ADGRV1: variants seen among roughly 807,000 people sequenced by gnomAD.
The protein encoded by ADGRV1 is G-protein coupled receptor 98.
A neutral mutation model predicts 596.2 loss-of-function variants in ADGRV1; 359 were observed. That is an observed-to-expected ratio of 0.60 (90% CI 0.55 to 0.66). The LOEUF is 0.66. Among genes scored for constraint, ADGRV1 ranks in the 30% least tolerant of loss-of-function variants. ADGRV1 has a pLI of 0.00. For synonymous variants in ADGRV1, 2,681 were observed against 2,679.2 expected (o/e 1.00, Z -0.02); for missense variants, 7,274 against 7,575.6 (o/e 0.96, Z 1.48).
intron 85 of ADGRV1, among the ~76,000 whole-genome samples, chr5:91,036,503 A>C (rs1162732605): frequency 1.4e-5 from 2 of 148,016 alleles, no homozygotes; most frequent in Admixed American, 6.7e-5. Context: ...CGGAGCTTGC[A>C]GTGAGCTGAG....
chr5:90,728,593 A>T, intron 48 of ADGRV1, 76 bp from the exon 49 acceptor site: 1 of 1,181,558 alleles, frequency 8.5e-7, no homozygotes, highest in Non-Finnish European at 1.2e-6. Flanking sequence ...GAGAGTAAAC[A>T]TATGGTATTG....
intron 64 of ADGRV1, among the ~76,000 whole-genome samples, chr5:90,780,457 A>T (rs745946227): frequency 1.3e-5 from 2 of 152,148 alleles, no homozygotes; most frequent in Non-Finnish European, 2.9e-5. Context: ...AATTGAAGGA[A>T]GGACTAAAAT....
chr5:90,660,058 AACAG>A (rs936579596), intron 21 of ADGRV1, among the ~76,000 whole-genome samples: 8 of 152,168 alleles, frequency 5.3e-5, no homozygotes, highest in East Asian at 1.9e-4. Flanking sequence ...AAGAAAAAGA[AACAG>A]ACAAATTGAT....
At chr5:91,057,211 A>C (rs1226730466) in intron 85 of ADGRV1, among the ~76,000 whole-genome samples, 1 of 152,228 alleles carries the variant, frequency 6.6e-6, no homozygotes, top group East Asian at 1.9e-4. Context: ...TGGATATCAC[A>C]CTTTTGAATT....
intron 1 of ADGRV1, among the ~76,000 whole-genome samples, chr5:90,607,372 C>T (rs1762231095): frequency 6.6e-6 from 1 of 152,198 alleles, no homozygotes; most frequent in South Asian, 2.1e-4. Flanking sequence ...CCCTTCCATC[C>T]TGTGCTGCTG....
intron 83 of ADGRV1, among the ~76,000 whole-genome samples, chr5:90,910,340 C>T (rs1319666683): frequency 2.0e-5 from 3 of 152,148 alleles, no homozygotes; most frequent in Non-Finnish European, 4.4e-5. Flanking sequence ...TCCAAGAAGA[C>T]TATTAGAAAA....
Position 90,789,760 on chromosome 5 carries a change from A to G in ADGRV1, c.13952A>G (p.Lys4651Arg), listed in dbSNP as rs760749699. ...VVQFAPETLS[K>R]KTYSEPLALE... ...CAGTTTGCTCCTGAAACTTTGTCTA[A>G]GAAGACTTATTCAGAGCCTCTGGCT... Residue 4651 changes from lysine (K) to arginine (R), a missense_variant, in exon 69 of 90, where the codon AAG becomes AGG. Coordinates refer to ENST00000405460, the MANE Select transcript of ADGRV1 (RefSeq NM_032119.4). The G allele has an allele frequency of 7.7e-6, 12 of 1,559,412 alleles. No homozygotes were observed. Among genetic ancestry groups the G allele is most frequent in the Non-Finnish European group, 1.7e-6 (2 of 1,149,720 alleles).
intron 87 of ADGRV1, among the ~76,000 whole-genome samples, chr5:91,130,979 G>A (rs1459813720): frequency 2.0e-5 from 3 of 152,214 alleles, no homozygotes; most frequent in Non-Finnish European, 2.9e-5. Context: ...ATAGTATTCC[G>A]TGGTATATAT....
chr5:90,955,875 T>A (rs1200173663), intron 83 of ADGRV1, among the ~76,000 whole-genome samples: 12 of 152,170 alleles, frequency 7.9e-5, no homozygotes, highest in Admixed American at 7.9e-4. Flanking sequence ...AATAACAATT[T>A]TTTTTAATTT....
chr5:90,803,976 CTTGTA>C (rs1164261556), intron 71 of ADGRV1, among the ~76,000 whole-genome samples: 1 of 152,024 alleles, frequency 6.6e-6, no homozygotes, highest in Non-Finnish European at 1.5e-5. Context: ...AACCTCTATA[CTTGTA>C]TCAGTGTTTG....
intron 82 of ADGRV1, among the ~76,000 whole-genome samples, chr5:90,861,476 A>AT (rs1391644709): frequency 2.0e-5 from 3 of 149,568 alleles, no homozygotes; most frequent in Non-Finnish European, 4.5e-5. Context: ...TGCCCGGCTG[A>AT]TTTTTTGTAT....
chr5:91,086,487 T>G (rs1789885792), intron 86 of ADGRV1, among the ~76,000 whole-genome samples: 1 of 152,204 alleles, frequency 6.6e-6, no homozygotes, highest in African/African-American at 2.4e-5. Flanking sequence ...ATACTCATAC[T>G]CTCAGATGAG....
At chr5:91,002,744 T>C (rs1176371867) in intron 85 of ADGRV1, among the ~76,000 whole-genome samples, 1 of 152,182 alleles carries the variant, frequency 6.6e-6, no homozygotes, top group Non-Finnish European at 1.5e-5. Flanking sequence ...TGGGGCCTCA[T>C]GTTGTCCAAT....
chr5:90,580,610 C>T (rs1181824004), intron 1 of ADGRV1, among the ~76,000 whole-genome samples: 1 of 152,102 alleles, frequency 6.6e-6, no homozygotes, highest in Non-Finnish European at 1.5e-5. Context: ...TATTGGCTCC[C>T]ACTCTCTTCT....
rs1205966820 is a variant in ADGRV1 at position 90,776,493 on chromosome 5, A to G, written c.12444A>G (p.Ser4148=). 6.2e-7 allele frequency: 1 copy of G among 1,613,192 alleles called. No homozygotes were observed. Among genetic ancestry groups the G allele is most frequent in the East Asian group, 2.2e-5 (1 of 44,860 alleles). Residue 4148 remains serine (S), a synonymous_variant, in exon 61 of 90, where the codon TCA becomes TCG. Coordinates refer to ENST00000405460, the MANE Select transcript of ADGRV1 (RefSeq NM_032119.4). ...TTATTCGGGGTGATAAGCGAGCATC[A>G]GGAGAAGTTGGGATAGCTCCGTCAT... The part of the protein sequence containing the change: ...SIIIRGDKRA[S]GEVGIAPSSR...
In ADGRV1 at chr5:91,153,345, T is replaced by G; in HGVS notation, c.18749T>G (p.Ile6250Arg). 6.2e-7 allele frequency: 1 copy of G among 1,612,698 alleles called. No homozygotes were observed. The highest frequency in any genetic ancestry group is 1.3e-5 in the African/African-American group (1 of 75,020). Residue 6250 changes from isoleucine to arginine, a missense_variant, in exon 89 of 90, where the codon ATA (isoleucine) becomes AGA (arginine). By Grantham distance (97) the Ile-to-Arg change is moderately conservative (BLOSUM62 -3). Transcript: ENST00000405460. ...SSGGYGQGSL[I>R]ADEESQEFDD... ...GGAGGATATGGCCAGGGGTCACTGATAGCCGATGAGGAGTCCCAGGAGTTT... is the reference window on the plus strand; with the variant it reads ...GGAGGATATGGCCAGGGGTCACTGAGAGCCGATGAGGAGTCCCAGGAGTTT...
At chr5:91,022,310 G>A (rs1343731132) in intron 85 of ADGRV1, among the ~76,000 whole-genome samples, 1 of 151,966 alleles carries the variant, frequency 6.6e-6, no homozygotes, top group Non-Finnish European at 1.5e-5. Flanking sequence ...CCTAGTATTT[G>A]TGCTAAATCC....
At chr5:90,688,704 C>T (rs1427627832) in intron 29 of ADGRV1, among the ~76,000 whole-genome samples, 1 of 152,108 alleles carries the variant, frequency 6.6e-6, no homozygotes, top group Admixed American at 6.6e-5. Flanking sequence ...AATTTGAAAG[C>T]TATGATGACC....
At chr5:90,755,581 G>T (rs1305538115) in intron 55 of ADGRV1, among the ~76,000 whole-genome samples, 1 of 151,768 alleles carries the variant, frequency 6.6e-6, no homozygotes, top group East Asian at 1.9e-4. Flanking sequence ...TTCCTTTCAT[G>T]ATATGATTAC....
Sources: allele counts gnomAD v4.1 joint callset (sites outside exome capture counted in the v4.1 genomes callset), GRCh38; gene constraint gnomAD v4.1.1; transcripts MANE v1.5; gene names NCBI Gene and HGNC (gene_info 2026-07-23, HGNC 2026-07-21).